Variants in MSRB3 observed in about 807,000 individuals in gnomAD.
The protein encoded by MSRB3 is methionine-R-sulfoxide reductase B3.
In MSRB3, 13 loss-of-function variants were observed where a neutral mutation model predicts 21.0. The observed-to-expected ratio is 0.62, with a 90% CI of 0.40 to 0.98. The LOEUF is 0.98. Among genes scored for constraint, MSRB3 ranks in the 50% least tolerant of loss-of-function variants. MSRB3 has a pLI of 0.00. For synonymous variants in MSRB3, 87 were observed against 88.6 expected (o/e 0.98, Z 0.10); for missense variants, 199 against 230.3 (o/e 0.86, Z 0.88).
chr12:65,337,381 C>T (rs1257232945), intron 4 of MSRB3, among the ~76,000 whole-genome samples: 1 of 140,316 alleles, frequency 7.1e-6, no homozygotes. Context: ...TGGCAGCGAG[C>T]CGAGATCACA....
chr12:65,326,231 G>A (rs753869696), intron 2 of MSRB3, among the ~76,000 whole-genome samples: 78 of 152,104 alleles, frequency 5.1e-4, no homozygotes, highest in South Asian at 1.4e-3. Flanking sequence ...GAGATATACA[G>A]AATCTTTATA....
At chr12:65,319,929 A>G (rs1874551664) in intron 2 of MSRB3, among the ~76,000 whole-genome samples, 1 of 152,156 alleles carries the variant, frequency 6.6e-6, no homozygotes, top group African/African-American at 2.4e-5. Flanking sequence ...ACGTCTTCTG[A>G]GTGTATTTAT....
At chr12:65,279,012 C>T in intron 1 of MSRB3, 147 bp downstream of exon 1, 1 of 1,459,336 alleles carries the variant, frequency 6.9e-7, no homozygotes, top group South Asian at 1.4e-5. Flanking sequence ...CTGCCTCAGC[C>T]GAGAAGGGGA....
chr12:65,448,110 C>A (rs1036708621), intron 5 of MSRB3, among the ~76,000 whole-genome samples: 1 of 152,060 alleles, frequency 6.6e-6, no homozygotes, highest in African/African-American at 2.4e-5. Flanking sequence ...GCACAGAAGA[C>A]TTAATTATGG....
At chr12:65,410,311 C>T (rs1880647136) in intron 5 of MSRB3, among the ~76,000 whole-genome samples, 1 of 152,048 alleles carries the variant, frequency 6.6e-6, no homozygotes, top group Non-Finnish European at 1.5e-5. Context: ...CAGATCAATG[C>T]TTGTTGGCAT....
chr12:65,373,249 A>G (rs1307070394), intron 5 of MSRB3, among the ~76,000 whole-genome samples: 13 of 152,230 alleles, frequency 8.5e-5, no homozygotes, highest in Non-Finnish European at 2.9e-5. Context: ...GTATAAGGAT[A>G]TAGGTGGAAT....
At chr12:65,351,264 C>T (rs1160453797) in intron 4 of MSRB3, among the ~76,000 whole-genome samples, 10 of 150,014 alleles carry the variant, frequency 6.7e-5, no homozygotes, top group Middle Eastern at 3.4e-3. Flanking sequence ...TTGAAACCAA[C>T]GAGAACAAAG....
At chr12:65,401,957 G>A (rs1565874852) in intron 5 of MSRB3, among the ~76,000 whole-genome samples, 2 of 152,174 alleles carry the variant, frequency 1.3e-5, no homozygotes, top group East Asian at 1.9e-4. Context: ...CTTCTGGCTT[G>A]TAGAGTTTCT....
intron 1 of MSRB3, among the ~76,000 whole-genome samples, chr12:65,303,513 TA>T (rs1272260597): frequency 3.9e-5 from 6 of 152,204 alleles, no homozygotes; most frequent in Non-Finnish European, 7.4e-5. Flanking sequence ...TTCAAATTAT[TA>T]CCTTTAAGCA....
chr12:65,421,388 A>G (rs1263749226), intron 5 of MSRB3, among the ~76,000 whole-genome samples: 3 of 152,148 alleles, frequency 2.0e-5, no homozygotes, highest in Non-Finnish European at 4.4e-5. Flanking sequence ...CATAGTTTGC[A>G]AATATTTTCT....
At chr12:65,333,743 A>G (rs1257369703) in intron 4 of MSRB3, among the ~76,000 whole-genome samples, 1 of 152,224 alleles carries the variant, frequency 6.6e-6, no homozygotes, top group Non-Finnish European at 1.5e-5. Flanking sequence ...ATGCGCTTCC[A>G]TCATTGCAAT....
chr12:65,456,175 CGTT>C (rs1209865764), intron 6 of MSRB3, among the ~76,000 whole-genome samples: 3 of 152,096 alleles, frequency 2.0e-5, no homozygotes, highest in African/African-American at 4.8e-5. Context: ...TAAGACTAAT[CGTT>C]GTTTCTTTTA....
intron 5 of MSRB3, among the ~76,000 whole-genome samples, chr12:65,438,407 TGG>T (rs1238023686): frequency 1.3e-5 from 2 of 151,882 alleles, no homozygotes; most frequent in Non-Finnish European, 2.9e-5. Flanking sequence ...AAAACTTTTT[TGG>T]GGGACCTATA....
chr12:65,454,786 T>C (rs2136704926), intron 6 of MSRB3, among the ~76,000 whole-genome samples: 1 of 152,182 alleles, frequency 6.6e-6, no homozygotes, highest in South Asian at 2.1e-4. Context: ...TGAGCATGTG[T>C]TGAGGAGGAG....
chr12:65,349,937 T>C (rs898868595), intron 4 of MSRB3, among the ~76,000 whole-genome samples: 2 of 151,840 alleles, frequency 1.3e-5, no homozygotes, highest in Non-Finnish European at 2.9e-5. Flanking sequence ...GTCAATTTTG[T>C]CTTTTGTTGC....
At chr12:65,347,286 G>A (rs568407730) in intron 4 of MSRB3, among the ~76,000 whole-genome samples, 1 of 152,204 alleles carries the variant, frequency 6.6e-6, no homozygotes, top group East Asian at 1.9e-4. Flanking sequence ...AGTTCTCCTT[G>A]AAGAGATCCT....
At chr12:65,316,547 A>G (rs1013912306) in intron 2 of MSRB3, among the ~76,000 whole-genome samples, 1 of 152,150 alleles carries the variant, frequency 6.6e-6, no homozygotes, top group Non-Finnish European at 1.5e-5. Flanking sequence ...CTATCACATA[A>G]TAGGTGTTCA....
intron 5 of MSRB3, among the ~76,000 whole-genome samples, chr12:65,389,598 T>C (rs10506525): frequency 0.65 from 98,472 of 152,026 alleles, 32,021 homozygotes; most frequent in Admixed American, 0.72. Context: ...AATCAACAAC[T>C]GAGTGTCTTC....
chr12:65,333,914 G>T (rs1362994502), intron 4 of MSRB3, among the ~76,000 whole-genome samples: 2 of 152,142 alleles, frequency 1.3e-5, no homozygotes, highest in African/African-American at 4.8e-5. Flanking sequence ...TCTGAACTCT[G>T]TTAGATAGAT....
Sources: allele counts gnomAD v4.1 joint callset (sites outside exome capture counted in the v4.1 genomes callset), GRCh38; gene constraint gnomAD v4.1.1; transcripts MANE v1.5; gene names NCBI Gene and HGNC (gene_info 2026-07-23, HGNC 2026-07-21).